Variants in UBXN8 observed in about 807,000 individuals in gnomAD.
UBXN8 encodes UBX domain-containing protein 8.
A neutral mutation model predicts 32.1 loss-of-function variants in UBXN8; 27 were observed. The observed-to-expected ratio is 0.84, with a 90% confidence interval of 0.62 to 1.16. The LOEUF (loss-of-function observed/expected upper bound fraction) is 1.16. UBXN8 is among the 50% of genes most tolerant of loss of function. The probability of loss-of-function intolerance (pLI) is 0.00; values close to 1 mark genes in which losing one functional copy is unlikely to be tolerated. For missense variants in UBXN8, 306 were observed against 311.4 expected (o/e 0.98, Z 0.13); for synonymous variants, 109 against 111.8 (o/e 0.98, Z 0.16).
chr8:30,759,311 C>T (rs1026519937), intron 5 of UBXN8, among the ~76,000 whole-genome samples: 2 of 152,098 alleles, frequency 1.3e-5, no homozygotes, highest in African/African-American at 4.8e-5. Flanking sequence ...TCATGGCTCA[C>T]TGCAATCTCT....
intron 6 of UBXN8, 58 bp from the exon 7 acceptor site, chr8:30,763,215 T>C: frequency 6.5e-7 from 1 of 1,538,690 alleles, no homozygotes; most frequent in Non-Finnish European, 9.0e-7. Flanking sequence ...TTTTATGGAA[T>C]GAAAGGAATT....
At chr8:30,743,544 A>C (rs914297162), upstream of UBXN8, among the ~76,000 whole-genome samples, 1 of 152,232 alleles carries the variant, frequency 6.6e-6, no homozygotes, top group Non-Finnish European at 1.5e-5. Flanking sequence ...ATAGGACGGC[A>C]ATGAGGTCAT....
rs1299695395 is a variant in UBXN8 at position 30,746,608 on chromosome 8, C to T, written c.88+2331C>T. On this transcript the variant is annotated intron_variant, in intron 1 of 7. Coordinates refer to ENST00000265616, the MANE Select transcript of UBXN8 (RefSeq NM_005671.4). ...TGCAGTCTCAGCTCACTGCAACTTC[C>T]GCCTTCTGGGTTCCAGCGATTCTCC... 1.9e-4 allele frequency among the ~76,000 whole-genome samples: 26 copies of T among 137,106 alleles called. 4 individuals are homozygous for T. The highest frequency in any genetic ancestry group is 3.3e-4 in the Non-Finnish European group (21 of 64,112). The allele number at this position is 137,106 out of a possible 152,430, so 89.9% of individuals were successfully genotyped here. A position where few individuals can be genotyped will look rare whatever the true frequency, so the allele number is the denominator to read the frequency against.
At chr8:30,741,994 C>T (rs1805212743), upstream of UBXN8, among the ~76,000 whole-genome samples, 1 of 152,014 alleles carries the variant, frequency 6.6e-6, no homozygotes, top group South Asian at 2.1e-4. Context: ...TATGGAAGAC[C>T]AGGGAGGAAG....
At chr8:30,757,424 C>G (rs1447464123) in intron 5 of UBXN8, among the ~76,000 whole-genome samples, 1 of 151,786 alleles carries the variant, frequency 6.6e-6, no homozygotes, top group Non-Finnish European at 1.5e-5. Flanking sequence ...TGGTGGCAGG[C>G]ACCTGTAATC....
intron 5 of UBXN8, among the ~76,000 whole-genome samples, chr8:30,757,695 C>T (rs1303332147): frequency 6.6e-6 from 1 of 151,544 alleles, no homozygotes; most frequent in Non-Finnish European, 1.5e-5. Flanking sequence ...CCCATCTCTA[C>T]TAAAAATACA....
At chr8:30,755,276 GTC>G (rs921316155) in intron 4 of UBXN8, among the ~76,000 whole-genome samples, 7 of 152,006 alleles carry the variant, frequency 4.6e-5, no homozygotes, top group Non-Finnish European at 5.9e-5. Flanking sequence ...TTAAAAGACA[GTC>G]TCTCTCTCTT....
upstream of UBXN8, among the ~76,000 whole-genome samples, chr8:30,731,062 C>G (rs149421627): frequency 0.034 from 5,241 of 152,292 alleles, 267 homozygotes; most frequent in African/African-American, 0.12. Context: ...GCTGTCAGAG[C>G]TTGCAGCGTA....
At chr8:30,758,881 G>GTTGT (rs1563564557) in intron 5 of UBXN8, among the ~76,000 whole-genome samples, 1 of 123,166 alleles carries the variant, frequency 8.1e-6, no homozygotes, top group African/African-American at 3.1e-5. Flanking sequence ...TGTTTTTTTT[G>GTTGT]TTTGTTTTTT....
In UBXN8 at chr8:30,735,676, T is replaced by C. The variant is rs1428708033; in HGVS notation, c.622+2368T>C. On this transcript the variant is annotated intron_variant, in intron 1 of 1. Transcript: ENST00000522968. ...CAACATGGTGAAACCCTGTCTCTAC[T>C]AAAAATACAAAAATTAGCCAGGCAT... Among the ~76,000 whole-genome samples the C allele has an allele frequency of 3.9e-5, 6 of 152,076 alleles. No homozygotes were observed. In the East Asian group the frequency reaches 1.2e-3, roughly 29 times the overall value.
At chr8:30,744,906 C>T (rs1805324490) in intron 1 of UBXN8, among the ~76,000 whole-genome samples, 1 of 152,136 alleles carries the variant, frequency 6.6e-6, no homozygotes, top group Admixed American at 6.6e-5. Context: ...GGAATTGGCT[C>T]AGGATAATGA....
At chr8:30,744,123 ACTTC>A, upstream of UBXN8, 1 of 1,502,082 alleles carries the variant, frequency 6.7e-7, no homozygotes, top group Non-Finnish European at 9.1e-7. Context: ...GAAGAGTTCC[ACTTC>A]CTTCCCGGAA....
At chr8:30,751,654 G>A (rs909930991) in intron 2 of UBXN8, 136 bp downstream of exon 2, 1 of 676,524 alleles carries the variant, frequency 1.5e-6, no homozygotes, top group Non-Finnish European at 2.2e-6. Context: ...TACAACTTTA[G>A]TCATGATTTT....
At position 30,753,101 on chromosome 8, in the gene UBXN8, A is replaced by G; in HGVS notation, c.278A>G (p.Glu93Gly). The change falls in exon 3 of 8, where the codon GAG becomes GGG. Residue 93 changes from glutamate to glycine, a missense_variant. By Grantham distance (98) the Glu-to-Gly change is moderately conservative. Transcript: ENST00000265616. The stretch of plus-strand genomic sequence containing the variant: ...AAAAAACAACAAGAAGCACAAGGAG[A>G]GAAGGTAAGGCAGAATTTTTAGAGA... ...VRKKQQEAQG[E>G]KASRYIENVL... 6.6e-7 allele frequency: 1 copy of G among 1,526,056 alleles called. No individual in the cohort carries two copies. The highest frequency in any genetic ancestry group is 2.5e-5 in the East Asian group (1 of 40,540). 94.5% of individuals were successfully genotyped at this position (1,526,056 alleles called of 1,614,324 possible). A position where few individuals can be genotyped will look rare whatever the true frequency, so the allele number is the denominator to read the frequency against.
At position 30,747,021 on chromosome 8, in the gene UBXN8, G is replaced by A. The variant is rs146848286; in HGVS notation, c.88+2744G>A. 5.7e-3 allele frequency among the ~76,000 whole-genome samples: 786 copies of A among 138,492 alleles called. 130 individuals are homozygous for A. Among genetic ancestry groups the A allele is most frequent in the African/African-American group, 0.02 (703 of 35,716 alleles). 90.9% of individuals were successfully genotyped at this position (138,492 alleles called of 152,430 possible). ...AATACGAAAATTAGCGGAGCATGGT[G>A]GCGCACGCCTGTAGTCCCAGCTTCT... On this transcript the variant is annotated intron_variant, in intron 1 of 7. Coordinates refer to ENST00000265616, the MANE Select transcript of UBXN8 (RefSeq NM_005671.4).
chr8:30,762,565 G>A (rs1438876272), intron 6 of UBXN8, among the ~76,000 whole-genome samples: 2 of 151,820 alleles, frequency 1.3e-5, no homozygotes, highest in African/African-American at 2.4e-5. Flanking sequence ...GCTAATATTT[G>A]TATTTTTAGT....
At chr8:30,759,642 A>G (rs73228614) in intron 5 of UBXN8, among the ~76,000 whole-genome samples, 1 of 152,022 alleles carries the variant, frequency 6.6e-6, no homozygotes, top group Non-Finnish European at 1.5e-5. Flanking sequence ...GTGAGTGACA[A>G]AAAGTTCATA....
intron 5 of UBXN8, among the ~76,000 whole-genome samples, chr8:30,760,435 A>ATTTTT (rs199591642): frequency 1.4e-4 from 6 of 42,384 alleles, no homozygotes; most frequent in African/African-American, 5.2e-4. Flanking sequence ...ATATATATAT[A>ATTTTT]TATATATATT....
upstream of UBXN8, among the ~76,000 whole-genome samples, chr8:30,742,291 T>C (rs1206652921): frequency 6.6e-6 from 1 of 152,234 alleles, no homozygotes; most frequent in African/African-American, 2.4e-5. Context: ...GTTCTTAGCC[T>C]ATATACAAAG....
Sources: gnomAD v4.1 joint callset for allele counts (sites outside exome capture counted in the v4.1 genomes callset) on GRCh38, gnomAD v4.1.1 for gene constraint, MANE v1.5 for transcripts, NCBI Gene and HGNC (gene_info 2026-07-23, HGNC 2026-07-21) for gene names.